The following ELMO1 variants were observed in gnomAD, a reference collection of about 807,000 sequenced individuals.
The protein encoded by ELMO1 is engulfment and cell motility protein 1.
In ELMO1, 26 loss-of-function variants were observed where a neutral mutation model predicts 98.9. The observed-to-expected ratio is 0.26, with a 90% CI of 0.19 to 0.36. ELMO1 has a LOEUF of 0.36. Ranked by LOEUF, ELMO1 falls within the 10% of genes least tolerant of loss-of-function variation. The probability of loss-of-function intolerance (pLI) is 1.00; values close to 1 mark genes in which losing one functional copy is unlikely to be tolerated. For missense variants in ELMO1, 627 were observed against 935.2 expected (o/e 0.67, Z 4.30); for synonymous variants, 346 against 346.0 (o/e 1.00, Z 0.00).
intron 1 of ELMO1, among the ~76,000 whole-genome samples, chr7:37,426,188 C>T (rs1294167081): frequency 2.8e-5 from 3 of 108,650 alleles, no homozygotes; most frequent in South Asian, 3.2e-4. Context: ...GAGTCTCATT[C>T]TGTCACCCAG....
At chr7:37,350,419 A>G (rs1801207685) in intron 1 of ELMO1, among the ~76,000 whole-genome samples, 1 of 152,188 alleles carries the variant, frequency 6.6e-6, no homozygotes, top group Non-Finnish European at 1.5e-5. Context: ...TCTGGCATTG[A>G]CATCATGAAG....
At chr7:37,120,234 T>A (rs1370615183) in intron 14 of ELMO1, among the ~76,000 whole-genome samples, 16 of 152,208 alleles carry the variant, frequency 1.1e-4, no homozygotes, top group Admixed American at 1.0e-3. Context: ...ACGGGTGATT[T>A]CTGCATTTCA....
chr7:36,917,131 A>AACATG (rs1584366176), intron 16 of ELMO1, among the ~76,000 whole-genome samples: 1 of 152,256 alleles, frequency 6.6e-6, no homozygotes, highest in East Asian at 1.9e-4. Flanking sequence ...AAATATGAAT[A>AACATG]ACATGATTTA....
At chr7:36,867,033 G>A (rs1803084893) in intron 20 of ELMO1, among the ~76,000 whole-genome samples, 2 of 152,136 alleles carry the variant, frequency 1.3e-5, no homozygotes, top group African/African-American at 4.8e-5. Flanking sequence ...GCTAATTAAA[G>A]GGCCAGGCTG....
chr7:36,880,257 G>T (rs554884965), intron 18 of ELMO1, among the ~76,000 whole-genome samples: 1 of 152,332 alleles, frequency 6.6e-6, no homozygotes, highest in East Asian at 1.9e-4. Context: ...CTTGGCCTGT[G>T]CTTTATAGGA....
chr7:37,127,957 C>T (rs1265093554), intron 14 of ELMO1, among the ~76,000 whole-genome samples: 1 of 152,112 alleles, frequency 6.6e-6, no homozygotes, highest in African/African-American at 2.4e-5. Flanking sequence ...ATTTGGGAGG[C>T]CAAGGCGGGC....
intron 5 of ELMO1, 80 bp from the exon 6 acceptor site, chr7:37,259,430 C>G: frequency 6.6e-7 from 1 of 1,516,492 alleles, no homozygotes; most frequent in Non-Finnish European, 9.0e-7. Context: ...CAATGAGGAA[C>G]AGAGATACAA....
At chr7:37,408,690 T>C (rs1803876352) in intron 1 of ELMO1, among the ~76,000 whole-genome samples, 1 of 152,174 alleles carries the variant, frequency 6.6e-6, no homozygotes, top group Non-Finnish European at 1.5e-5. Flanking sequence ...GTTATACTTC[T>C]AGGGATTATT....
chr7:37,355,076 C>A (rs1463945373), intron 1 of ELMO1, among the ~76,000 whole-genome samples: 1 of 152,174 alleles, frequency 6.6e-6, no homozygotes, highest in Non-Finnish European at 1.5e-5. Context: ...TCACGGAATA[C>A]CATTAGGCTC....
At chr7:36,933,632 G>A (rs550396966) in intron 16 of ELMO1, among the ~76,000 whole-genome samples, 4 of 152,294 alleles carry the variant, frequency 2.6e-5, no homozygotes, top group South Asian at 2.1e-4. Flanking sequence ...AAGAGGCTCC[G>A]TCTCTGTGGG....
chr7:37,101,786 C>A (rs894618774), intron 14 of ELMO1, among the ~76,000 whole-genome samples: 1 of 151,820 alleles, frequency 6.6e-6, no homozygotes, highest in Admixed American at 6.6e-5. Flanking sequence ...GACACTAAAA[C>A]GGAGTCTGTC....
intron 5 of ELMO1, chr7:37,270,486 C>A (rs1033560610): frequency 6.6e-6 from 1 of 152,176 alleles, no homozygotes; most frequent in Non-Finnish European, 1.5e-5. Context: ...TTTTAGTCTA[C>A]CACATGGCTT....
intron 7 of ELMO1, among the ~76,000 whole-genome samples, chr7:37,235,016 C>T (rs1794384750): frequency 1.3e-5 from 2 of 152,226 alleles, no homozygotes; most frequent in African/African-American, 4.8e-5. Context: ...AGGGCAACCT[C>T]GATCTTACAG....
chr7:37,057,282 A>C (rs934066796), intron 15 of ELMO1, among the ~76,000 whole-genome samples: 1 of 152,198 alleles, frequency 6.6e-6, no homozygotes, highest in African/African-American at 2.4e-5. Flanking sequence ...GTGTTTTGAA[A>C]AAAAAAACTA....
chr7:36,926,466 C>T (rs532360142), intron 16 of ELMO1, among the ~76,000 whole-genome samples: 10 of 152,032 alleles, frequency 6.6e-5, no homozygotes, highest in East Asian at 1.9e-4. Context: ...GTTCTTTGTG[C>T]GACCCCCCTA....
In ELMO1 at chr7:37,049,827, G is replaced by C. The variant is rs578009323; in HGVS notation, c.1301-36392C>G. The stretch of plus-strand genomic sequence containing the variant: ...AGTTTTGCTCTTGTTGCCCAGACTG[G>C]AGTGCAATGGCATGATCTCGGCTCA... On this transcript the variant is annotated intron_variant, in intron 15 of 21. Transcript: ENST00000310758. Among the ~76,000 whole-genome samples, 7 of 150,344 alleles carry C rather than the reference G, an allele frequency of 4.7e-5. No individual in the cohort carries two copies. The South Asian group carries it at 1.3e-3, about 27-fold the overall frequency.
intron 16 of ELMO1, among the ~76,000 whole-genome samples, chr7:36,935,410 A>G (rs1786439080): frequency 6.6e-6 from 1 of 152,180 alleles, no homozygotes; most frequent in Admixed American, 6.5e-5. Flanking sequence ...TCCCTTCTAA[A>G]AAAAAATACT....
intron 16 of ELMO1, among the ~76,000 whole-genome samples, chr7:36,932,704 T>C (rs1786148214): frequency 6.6e-6 from 1 of 152,188 alleles, no homozygotes; most frequent in African/African-American, 2.4e-5. Flanking sequence ...ATTTCATTCT[T>C]CTCTCTGTGC....
chr7:37,019,733 C>T (rs983530953), intron 15 of ELMO1, among the ~76,000 whole-genome samples: 8 of 152,162 alleles, frequency 5.3e-5, no homozygotes, highest in South Asian at 2.1e-4. Context: ...AATAGTAAGA[C>T]GTTTAAAAAC....
Sources: allele counts gnomAD v4.1 joint callset (sites outside exome capture counted in the v4.1 genomes callset), GRCh38; gene constraint gnomAD v4.1.1; transcripts MANE v1.5; gene names NCBI Gene and HGNC (gene_info 2026-07-23, HGNC 2026-07-21).